Variants in TIAM1 observed in about 807,000 individuals in gnomAD.
TIAM1 encodes the protein TIAM Rac1 associated GEF 1, also known as rho guanine nucleotide exchange factor TIAM1.
TIAM1 carries 65 observed loss-of-function variants against 163.5 expected under a neutral mutation model. The ratio of observed to expected loss-of-function variants is 0.40; its 90% CI spans 0.33 to 0.49. TIAM1 has a LOEUF of 0.49. Among genes scored for constraint, TIAM1 ranks in the 20% least tolerant of loss-of-function variants. The pLI is 0.77. For synonymous variants in TIAM1, 833 were observed against 810.1 expected (o/e 1.03, Z -0.48); for missense variants, 1,789 against 2,044.7 (o/e 0.87, Z 2.41).
At chr21:31,415,394 G>A (rs2043336435) in intron 2 of TIAM1, among the ~76,000 whole-genome samples, 1 of 152,138 alleles carries the variant, frequency 6.6e-6, no homozygotes, top group Admixed American at 6.5e-5. Flanking sequence ...ACCACTTTCT[G>A]GAAATCATAG....
intron 6 of TIAM1, among the ~76,000 whole-genome samples, chr21:31,244,001 G>A (rs1010122264): frequency 6.6e-6 from 1 of 152,170 alleles, no homozygotes; most frequent in South Asian, 2.1e-4. Flanking sequence ...GGTGGGGTTG[G>A]GGAAGGTGGC....
intron 1 of TIAM1, among the ~76,000 whole-genome samples, chr21:31,343,527 G>A (rs764744931): frequency 1.3e-5 from 2 of 152,118 alleles, no homozygotes; most frequent in Non-Finnish European, 2.9e-5. Flanking sequence ...CACCTCCACA[G>A]CCAGGAACCT....
At chr21:31,260,129 C>A (rs1282882205) in intron 4 of TIAM1, among the ~76,000 whole-genome samples, 1 of 143,208 alleles carries the variant, frequency 7.0e-6, no homozygotes. Flanking sequence ...TTTTTAGAGG[C>A]GAGGTCTCAC....
At chr21:31,381,021 A>G (rs933853811) in intron 2 of TIAM1, among the ~76,000 whole-genome samples, 1 of 152,236 alleles carries the variant, frequency 6.6e-6, no homozygotes, top group Admixed American at 6.5e-5. Context: ...GCACTCAAAC[A>G]GTAACTTTAT....
rs758216376 is a variant in TIAM1 at position 31,118,698 on chromosome 21, T to C, written c.*1670A>G. On this transcript the variant is annotated 3_prime_UTR_variant, in exon 28 of 28. Transcript: ENST00000541036. ...GGACGCGATCGAACCGGAGATGATATGGAAAAATGCAGTGATACAAAGGGT... is the reference window on the plus strand; with the variant it reads ...GGACGCGATCGAACCGGAGATGATACGGAAAAATGCAGTGATACAAAGGGT... 1 of 467,774 alleles carries C rather than the reference T, an allele frequency of 2.1e-6. No homozygotes were observed. The highest frequency in any genetic ancestry group is 1.6e-5 in the South Asian group (1 of 63,658). The allele number at this position is 467,774 out of a possible 1,614,324, so 29.0% of individuals were successfully genotyped here.
chr21:31,458,649 G>A (rs1022652007), intron 2 of TIAM1, among the ~76,000 whole-genome samples: 1 of 152,080 alleles, frequency 6.6e-6, no homozygotes, highest in African/African-American at 2.4e-5. Context: ...TGCATCCTTG[G>A]GAACCCTTTA....
intron 1 of TIAM1, among the ~76,000 whole-genome samples, chr21:31,502,188 A>G (rs1211982619): frequency 1.3e-5 from 2 of 152,128 alleles, no homozygotes; most frequent in Non-Finnish European, 2.9e-5. Flanking sequence ...ATCTTAAAGA[A>G]AAAAAAAGGT....
rs1279058618 is a variant in TIAM1, at chr21:31,395,819, T to C, written c.-368-56397A>G. Among the ~76,000 whole-genome samples, 4 of 152,132 alleles carry C rather than the reference T, an allele frequency of 2.6e-5. No homozygotes were observed. Among genetic ancestry groups the C allele is most frequent in the Admixed American group, 2.0e-4 (3 of 15,268 alleles). On this transcript the variant is annotated intron_variant, in intron 2 of 28. Coordinates refer to the TIAM1 transcript ENST00000286827. This position sits in a 1 kb window ranked among gnomAD's most constrained non-coding sequence, Gnocchi z 7.5. ...AACAACTATCTGTGAAAATCTATCC[T>C]AATTAGGAAACAACATGTACATGCC...
chr21:31,549,673 G>A (rs1457127955), intron 1 of TIAM1, among the ~76,000 whole-genome samples: 4 of 152,162 alleles, frequency 2.6e-5, no homozygotes, highest in African/African-American at 9.7e-5. Context: ...AACAAGTGTT[G>A]ACAAAGATGT....
At chr21:31,494,716 G>A (rs2147430195) in intron 1 of TIAM1, among the ~76,000 whole-genome samples, 1 of 152,258 alleles carries the variant, frequency 6.6e-6, no homozygotes, top group South Asian at 2.1e-4. Context: ...GGTGGCACAT[G>A]CCTGTAGTCC....
At chr21:31,505,246 T>G (rs2046986122) in intron 1 of TIAM1, among the ~76,000 whole-genome samples, 1 of 152,188 alleles carries the variant, frequency 6.6e-6, no homozygotes, top group African/African-American at 2.4e-5. Flanking sequence ...CTCACAGTGT[T>G]GACATAGGAT....
At chr21:31,302,883 G>A (rs2074556901) in intron 2 of TIAM1, among the ~76,000 whole-genome samples, 1 of 152,184 alleles carries the variant, frequency 6.6e-6, no homozygotes, top group Non-Finnish European at 1.5e-5. Flanking sequence ...TCCTGAAACA[G>A]CAATTGGGAG....
At chr21:31,292,729 G>C (rs9983168) in intron 2 of TIAM1, among the ~76,000 whole-genome samples, 150,634 of 150,640 alleles carry the variant, frequency 1, 75,314 homozygotes, top group Non-Finnish European at 1. Context: ...AGTGCAACGC[G>C]GTGATCTCAG....
chr21:31,364,008 G>C lies in TIAM1; in HGVS notation c.-368-24586C>G, dbSNP rs544243370. Among the ~76,000 whole-genome samples the C allele has an allele frequency of 3.9e-5, 6 of 152,270 alleles. No homozygotes were observed. In the South Asian group the frequency reaches 1.2e-3, roughly 32 times the overall value. ...ATGAGGAAAAGTGCAGAGCAAAACA[G>C]CCCCAGGACATCTCTACCCAACACA... On this transcript the variant is annotated intron_variant, in intron 2 of 28. Coordinates refer to the TIAM1 transcript ENST00000286827.
At position 31,141,680 on chromosome 21, in the gene TIAM1, A is replaced by C. The variant is rs114057055; in HGVS notation, c.3476-176T>G. ...GCAGTCAGGGAGACCACAGGCAGTC[A>C]GATCTATGTATTTATGTGTTGGGGG... On this transcript the variant is annotated intron_variant, in intron 20 of 27. Transcript: ENST00000541036. This position sits in a 1 kb window ranked among gnomAD's most constrained non-coding sequence, Gnocchi z 4.7. Among the ~76,000 whole-genome samples, 1,651 of 152,106 alleles carry C rather than the reference A, an allele frequency of 0.011. 29 individuals carry two copies. The highest frequency in any genetic ancestry group is 0.038 in the African/African-American group (1,583 of 41,474).
chr21:31,227,955 T>G (rs1196013836), intron 6 of TIAM1, among the ~76,000 whole-genome samples: 1 of 151,672 alleles, frequency 6.6e-6, no homozygotes, highest in Non-Finnish European at 1.5e-5. Context: ...CAGGCTGGAG[T>G]GCAGTGGCGC....
At chr21:31,398,158 CAAAAA>C (rs34895602) in intron 2 of TIAM1, among the ~76,000 whole-genome samples, 2 of 52,502 alleles carry the variant, frequency 3.8e-5, no homozygotes, top group African/African-American at 6.4e-5. Flanking sequence ...ATCTTCAGGG[CAAAAA>C]AAAAAAAAAA....
intron 2 of TIAM1, among the ~76,000 whole-genome samples, chr21:31,438,420 G>A (rs369671217): frequency 9.9e-5 from 15 of 151,892 alleles, no homozygotes; most frequent in East Asian, 9.7e-4. Context: ...TCGAACTCCT[G>A]ACCTCAAGTG....
chr21:31,349,324 CAG>C (rs2076197353), intron 2 of TIAM1, among the ~76,000 whole-genome samples: 1 of 152,142 alleles, frequency 6.6e-6, no homozygotes, highest in Non-Finnish European at 1.5e-5. Context: ...GAAGTGCAAC[CAG>C]AGTTAGATAA....
Sources: gnomAD v4.1 joint callset for allele counts (sites outside exome capture counted in the v4.1 genomes callset) on GRCh38, gnomAD v4.1.1 for gene constraint, Gnocchi (gnomAD v3.1) non-coding constraint, MANE v1.5 for transcripts, NCBI Gene and HGNC (gene_info 2026-07-23, HGNC 2026-07-21) for gene names.